The following CERS3 variants were observed in gnomAD, a reference collection of about 807,000 sequenced individuals.
CERS3 encodes LAG1 homolog, ceramide synthase 3.
A neutral mutation model predicts 50.3 loss-of-function variants in CERS3; 33 were observed. The observed-to-expected ratio is 0.66, with a 90% CI of 0.50 to 0.88. The LOEUF (loss-of-function observed/expected upper bound fraction) is 0.88, where lower values mean the gene tolerates loss of function less well. Ranked by LOEUF, CERS3 falls within the 40% of genes least tolerant of loss-of-function variation. The pLI is 0.00. For synonymous variants in CERS3, 176 were observed against 155.2 expected, an observed-to-expected ratio of 1.13 and a Z score of -0.99; for missense variants, 470 against 460.3, an observed-to-expected ratio of 1.02 and a Z score of -0.19.
At chr15:100,498,934 T>C (rs574924260) in intron 3 of CERS3, among the ~76,000 whole-genome samples, 3 of 152,314 alleles carry the variant, frequency 2.0e-5, no homozygotes, top group South Asian at 4.1e-4. Flanking sequence ...GCAAAGTAGA[T>C]CTCAGATGAA....
At chr15:100,459,361 T>A (rs1438309753) in intron 10 of CERS3, among the ~76,000 whole-genome samples, 2 of 152,194 alleles carry the variant, frequency 1.3e-5, no homozygotes, top group Non-Finnish European at 2.9e-5. Context: ...AGAGGCATGA[T>A]CACAGCTTAC....
At chr15:100,526,370 G>A (rs1295772171) in intron 1 of CERS3, among the ~76,000 whole-genome samples, 3 of 152,174 alleles carry the variant, frequency 2.0e-5, no homozygotes, top group Admixed American at 1.3e-4. Context: ...CTCTGTGAGC[G>A]GAGGGAGCTC....
chr15:100,515,613 G>A (rs2036467102), intron 2 of CERS3, among the ~76,000 whole-genome samples: 1 of 149,866 alleles, frequency 6.7e-6, no homozygotes, highest in South Asian at 2.1e-4. Flanking sequence ...AGTCAGAGGG[G>A]TGTAAAGCAA....
chr15:100,491,053 G>GTT (rs2035634962), intron 3 of CERS3, 122 bp from the exon 4 acceptor site: 1 of 638,892 alleles, frequency 1.6e-6, no homozygotes, highest in African/African-American at 1.9e-5. Flanking sequence ...TGTTGACACT[G>GTT]GGGCTACGTA....
rs79815141 is a variant in CERS3, at chr15:100,524,418, G to A, written c.-91-2662C>T. Among the ~76,000 whole-genome samples, 1,300 of 152,268 alleles carry A rather than the reference G, an allele frequency of 8.5e-3. 24 individuals carry two copies. The highest frequency in any genetic ancestry group is 0.029 in the African/African-American group (1,222 of 41,552). ...TATAGTCATCATCTAGAAAAGCTCT[G>A]AAGTTTTACTCTTACACAATTAGTT... On this transcript the variant is annotated intron_variant, in intron 1 of 11. Transcript: ENST00000679737.
At chr15:100,469,510 T>A (rs371975349) in intron 9 of CERS3, 26 bp from the exon 10 acceptor site, 2 of 1,461,102 alleles carry the variant, frequency 1.4e-6, no homozygotes, top group East Asian at 4.5e-5. Context: ...AAACTGCAGA[T>A]AAAGTGACAA....
chr15:100,475,961 C>A (rs181897953), intron 8 of CERS3, 125 bp downstream of exon 8: 279 of 516,682 alleles, frequency 5.4e-4, no homozygotes, highest in African/African-American at 5.2e-3. Flanking sequence ...TACTATAAAG[C>A]ACACAAAAGC....
At chr15:100,416,253 A>T (rs1344899041) in intron 11 of CERS3, among the ~76,000 whole-genome samples, 1 of 152,224 alleles carries the variant, frequency 6.6e-6, no homozygotes, top group African/African-American at 2.4e-5. Flanking sequence ...AGGCTACAGA[A>T]CCCAAACAGA....
chr15:100,405,246 AAAC>A (rs1251446251), intron 11 of CERS3, among the ~76,000 whole-genome samples: 42 of 39,490 alleles, frequency 1.1e-3, no homozygotes, highest in African/African-American at 2.4e-3. Flanking sequence ...AAAAAAAAAA[AAAC>A]AAAAAAAAAC....
chr15:100,418,505 C>A (rs2032145451), intron 11 of CERS3, among the ~76,000 whole-genome samples: 3 of 148,908 alleles, frequency 2.0e-5, no homozygotes. Flanking sequence ...GGAAAACACT[C>A]TGCAGGATAT....
intron 2 of CERS3, 50 bp downstream of exon 2, chr15:100,521,617 A>T (rs1386791910): frequency 6.6e-6 from 1 of 152,214 alleles, no homozygotes; most frequent in Non-Finnish European, 1.5e-5. Context: ...CCAAGATTAT[A>T]GTTAAGAAAA....
intron 8 of CERS3, 31 bp downstream of exon 8, chr15:100,476,055 G>T (rs748189233): frequency 6.9e-7 from 1 of 1,447,350 alleles, no homozygotes; most frequent in East Asian, 2.5e-5. Flanking sequence ...TGAAGAAATT[G>T]ATAAAGAAGC....
At chr15:100,453,478 C>T (rs1199389481) in intron 11 of CERS3, among the ~76,000 whole-genome samples, 3 of 152,138 alleles carry the variant, frequency 2.0e-5, no homozygotes, top group Non-Finnish European at 4.4e-5. Context: ...TCTCAACAAA[C>T]TAGTCATAGA....
chr15:100,532,945 T>C (rs11247218), upstream of CERS3, among the ~76,000 whole-genome samples: 73,907 of 151,584 alleles, frequency 0.49, 18,231 homozygotes, highest in South Asian at 0.62. Context: ...AAGTCATCTC[T>C]CCTCCCTGCC....
At chr15:100,437,860 A>C (rs566445072) in intron 11 of CERS3, 1 of 152,286 alleles carries the variant, frequency 6.6e-6, no homozygotes, top group Admixed American at 6.5e-5. Context: ...TTCAATCTAC[A>C]CAGAACCTGT....
At chr15:100,479,326 G>T (rs752172466) in intron 7 of CERS3, 102 bp downstream of exon 7, 52 of 834,262 alleles carry the variant, frequency 6.2e-5, no homozygotes, top group Non-Finnish European at 1.4e-5. Flanking sequence ...GGATGACACA[G>T]TAGTGAACAA....
At chr15:100,534,078 C>T (rs1362507540) in intron 1 of CERS3, among the ~76,000 whole-genome samples, 1 of 152,216 alleles carries the variant, frequency 6.6e-6, no homozygotes, top group African/African-American at 2.4e-5. Flanking sequence ...AGGCTCTCAA[C>T]ACGACTGTCT....
chr15:100,476,213 C>T (rs953264490), intron 7 of CERS3, 35 bp from the exon 8 acceptor site: 3 of 1,410,678 alleles, frequency 2.1e-6, no homozygotes, highest in Non-Finnish European at 2.9e-6. Flanking sequence ...ACTTTAAATG[C>T]CATCATAGAA....
chr15:100,446,101 ACT>A (rs147512077), intron 11 of CERS3, among the ~76,000 whole-genome samples: 26,515 of 151,278 alleles, frequency 0.18, 2,577 homozygotes, highest in Admixed American at 0.27. Flanking sequence ...CCCTTCACTG[ACT>A]CTCTTTTCGG....
Sources: gnomAD v4.1 joint callset for allele counts (sites outside exome capture counted in the v4.1 genomes callset) on GRCh38, gnomAD v4.1.1 for gene constraint, MANE v1.5 for transcripts, NCBI Gene and HGNC (gene_info 2026-07-23, HGNC 2026-07-21) for gene names.